GLRA3: variants seen among roughly 807,000 people sequenced by gnomAD.
GLRA3 encodes the protein glycine receptor subunit alpha-3.
GLRA3 carries 44 observed loss-of-function variants against 60.4 expected under a neutral mutation model. That is an observed-to-expected ratio of 0.73 (90% CI 0.57 to 0.94). The LOEUF is 0.94. Ranked by LOEUF, GLRA3 falls within the 40% of genes least tolerant of loss-of-function variation. The pLI is 0.00. For synonymous variants in GLRA3, 223 were observed against 192.9 expected (o/e 1.16, Z -1.29); for missense variants, 508 against 564.6 (o/e 0.90, Z 1.02).
At chr4:174,766,127 A>C (rs1306212412) in intron 3 of GLRA3, among the ~76,000 whole-genome samples, 2 of 151,982 alleles carry the variant, frequency 1.3e-5, no homozygotes, top group Non-Finnish European at 2.9e-5. Context: ...ATAATTCTCT[A>C]ATATTGGTTT....
In GLRA3 at chr4:174,753,963, A is replaced by ATT. The variant is rs34815169; in HGVS notation, c.267+12998_267+12999dup. Among the ~76,000 whole-genome samples, 873 of 150,786 alleles carry ATT rather than the reference A, an allele frequency of 5.8e-3. 2 individuals carry two copies. The highest frequency in any genetic ancestry group is 9.2e-3 in the Non-Finnish European group (624 of 67,558). ...CTGACGACTCTCTCTCAGGATACAG[A>ATT]TTTTTTTTTTCCGTTGTCATTAGCA... On this transcript the variant is annotated intron_variant, in intron 3 of 9. Coordinates refer to ENST00000274093, the MANE Select transcript of GLRA3 (RefSeq NM_006529.4).
intron 3 of GLRA3, among the ~76,000 whole-genome samples, chr4:174,757,201 A>G (rs1221298276): frequency 1.3e-5 from 2 of 152,242 alleles, no homozygotes; most frequent in Non-Finnish European, 2.9e-5. Flanking sequence ...ATATGTCAAT[A>G]TTGCAAAATT....
At chr4:174,736,953 T>C (rs1360691430) in intron 3 of GLRA3, among the ~76,000 whole-genome samples, 2 of 152,204 alleles carry the variant, frequency 1.3e-5, no homozygotes, top group African/African-American at 4.8e-5. Flanking sequence ...TAAGTAAAAT[T>C]GCCCTGTATA....
At chr4:174,743,033 T>C (rs1013535605) in intron 3 of GLRA3, among the ~76,000 whole-genome samples, 3 of 152,220 alleles carry the variant, frequency 2.0e-5, no homozygotes, top group African/African-American at 7.2e-5. Flanking sequence ...ATAAAAATTA[T>C]TTCAAAAGGA....
At chr4:174,810,692 T>C (rs1310430472) in intron 1 of GLRA3, among the ~76,000 whole-genome samples, 1 of 152,146 alleles carries the variant, frequency 6.6e-6, no homozygotes, top group Non-Finnish European at 1.5e-5. Flanking sequence ...TTGAAATCCA[T>C]TTTAATTAAA....
At chr4:174,769,021 G>A (rs2111242920) in intron 2 of GLRA3, among the ~76,000 whole-genome samples, 1 of 152,084 alleles carries the variant, frequency 6.6e-6, no homozygotes, top group East Asian at 1.9e-4. Context: ...TAATTTTTGA[G>A]TAAATTGATC....
intron 1 of GLRA3, among the ~76,000 whole-genome samples, chr4:174,816,935 G>T (rs1355429770): frequency 6.6e-6 from 1 of 152,006 alleles, no homozygotes; most frequent in Non-Finnish European, 1.5e-5. Flanking sequence ...CATGTAAAAT[G>T]GGGTATCCAC....
chr4:174,713,919 A>G (rs1735812619), intron 5 of GLRA3: 1 of 152,224 alleles, frequency 6.6e-6, no homozygotes, highest in South Asian at 2.1e-4. Context: ...GATTTTATCA[A>G]TTGTCCCATC....
intron 4 of GLRA3, among the ~76,000 whole-genome samples, chr4:174,726,654 C>T (rs187406167): frequency 2.0e-5 from 3 of 152,282 alleles, no homozygotes; most frequent in Non-Finnish European, 2.9e-5. Context: ...TTCACCTCCA[C>T]GTTGTTCCTC....
At chr4:174,768,168 C>T (rs1010666534) in intron 2 of GLRA3, among the ~76,000 whole-genome samples, 5 of 152,070 alleles carry the variant, frequency 3.3e-5, no homozygotes, top group Non-Finnish European at 7.4e-5. Context: ...CTTGGTCAGC[C>T]AGCTCTGGTG....
chr4:174,685,218 C>T (rs1051617993), intron 5 of GLRA3, among the ~76,000 whole-genome samples: 14 of 151,826 alleles, frequency 9.2e-5, no homozygotes, highest in African/African-American at 3.4e-4. Flanking sequence ...CACCTTCCAC[C>T]CTCCCCAATA....
chr4:174,806,151 T>G (rs1740042263), intron 1 of GLRA3, among the ~76,000 whole-genome samples: 1 of 152,194 alleles, frequency 6.6e-6, no homozygotes. Context: ...TGTTCAATAT[T>G]GTTAATTAGC....
At chr4:174,737,764 G>A (rs768320813) in intron 3 of GLRA3, among the ~76,000 whole-genome samples, 5 of 152,098 alleles carry the variant, frequency 3.3e-5, no homozygotes, top group South Asian at 2.1e-4. Flanking sequence ...CGCACGCCTC[G>A]ATCTCCCAAA....
At chr4:174,692,025 G>A (rs1387527599) in intron 5 of GLRA3, among the ~76,000 whole-genome samples, 1 of 151,318 alleles carries the variant, frequency 6.6e-6, no homozygotes, top group Non-Finnish European at 1.5e-5. Flanking sequence ...GATGTGAGGA[G>A]CGCCTCTACC....
intron 3 of GLRA3, among the ~76,000 whole-genome samples, chr4:174,757,039 A>T (rs751663909): frequency 1.2e-4 from 18 of 152,234 alleles, no homozygotes; most frequent in Non-Finnish European, 2.2e-4. Context: ...GTTATTTAGC[A>T]TTGTACAGGA....
At chr4:174,717,158 G>A (rs1477119172) in intron 4 of GLRA3, among the ~76,000 whole-genome samples, 1 of 147,196 alleles carries the variant, frequency 6.8e-6, no homozygotes, top group African/African-American at 2.5e-5. Context: ...ACTGCAGTGA[G>A]CTAGGCTCAC....
At chr4:174,779,201 C>T (rs1427103885) in intron 2 of GLRA3, among the ~76,000 whole-genome samples, 2 of 152,190 alleles carry the variant, frequency 1.3e-5, no homozygotes, top group Admixed American at 1.3e-4. Flanking sequence ...CCAGCAGGGG[C>T]ACACTGACAC....
intron 3 of GLRA3, among the ~76,000 whole-genome samples, chr4:174,764,786 T>G (rs1738076779): frequency 6.6e-6 from 1 of 152,066 alleles, no homozygotes. Flanking sequence ...AGAAATATAC[T>G]AACAAGTTCT....
At chr4:174,811,552 G>A (rs1740275737) in intron 1 of GLRA3, among the ~76,000 whole-genome samples, 2 of 152,164 alleles carry the variant, frequency 1.3e-5, no homozygotes, top group South Asian at 4.1e-4. Flanking sequence ...AATTCTTATA[G>A]GCCATAGGTT....
Sources: gnomAD v4.1 joint callset for allele counts (sites outside exome capture counted in the v4.1 genomes callset) on GRCh38, gnomAD v4.1.1 for gene constraint, MANE v1.5 for transcripts, NCBI Gene and HGNC (gene_info 2026-07-23, HGNC 2026-07-21) for gene names.